MTMR9: variants seen among roughly 807,000 people sequenced by gnomAD.
The protein encoded by MTMR9 is myotubularin-related protein 9.
Under a neutral mutation model 69.5 loss-of-function variants are expected in MTMR9, and 39 were observed. The observed-to-expected ratio is 0.56, with a 90% CI of 0.43 to 0.73. MTMR9 has a LOEUF of 0.73. MTMR9 is among the 30% of genes least tolerant of loss of function. The probability of loss-of-function intolerance (pLI) is 0.00; values close to 1 mark genes in which losing one functional copy is unlikely to be tolerated. For synonymous variants in MTMR9, 354 were observed against 240.8 expected (o/e 1.47, Z -4.35); for missense variants, 900 against 671.2 (o/e 1.34, Z -3.77).
intron 1 of MTMR9, among the ~76,000 whole-genome samples, chr8:11,287,783 AT>A (rs1416436177): frequency 5.1e-5 from 6 of 117,054 alleles, no homozygotes; most frequent in African/African-American, 2.0e-4. Context: ...TATTTATTAT[AT>A]ATTATATATA....
At chr8:11,332,835 T>C (rs1801286757), downstream of MTMR9, among the ~76,000 whole-genome samples, 1 of 152,244 alleles carries the variant, frequency 6.6e-6, no homozygotes, top group South Asian at 2.1e-4. Flanking sequence ...CTCCTGACCT[T>C]GTGATCCACC....
chr8:11,323,448 A>C lies in MTMR9; in HGVS notation c.*660A>C, dbSNP rs1454320584. On this transcript the variant is annotated 3_prime_UTR_variant, in exon 10 of 10. Coordinates refer to ENST00000221086, the MANE Select transcript of MTMR9 (RefSeq NM_015458.4). ...CCGATATTTACATTAAGAAGAGTTA[A>C]ATTTATTTTAACGTAGACACTAAAA... 2.0e-5 allele frequency: 3 copies of C among 152,248 alleles called. No homozygotes were observed. Among genetic ancestry groups the C allele is most frequent in the African/African-American group, 7.2e-5 (3 of 41,464 alleles). The allele number at this position is 152,248 out of a possible 1,614,324, so 9.4% of individuals were successfully genotyped here. A position where few individuals can be genotyped will look rare whatever the true frequency, so the allele number is the denominator to read the frequency against.
chr8:11,295,167 C>A, intron 1 of MTMR9, 27 bp from the exon 2 acceptor site: 1 of 1,272,570 alleles, frequency 7.9e-7, no homozygotes, highest in South Asian at 1.2e-5. Context: ...ATATGTGTTC[C>A]TAAACATGAT....
At chr8:11,291,094 G>T (rs757921537) in intron 1 of MTMR9, among the ~76,000 whole-genome samples, 1 of 151,996 alleles carries the variant, frequency 6.6e-6, no homozygotes, top group South Asian at 2.1e-4. Flanking sequence ...ACAAAATTAG[G>T]ACATTGACAT....
intron 5 of MTMR9, among the ~76,000 whole-genome samples, chr8:11,308,937 T>C (rs1373717055): frequency 1.3e-5 from 2 of 152,220 alleles, no homozygotes; most frequent in African/African-American, 2.4e-5. Flanking sequence ...GATCAGCAGT[T>C]GCTACACTGA....
chr8:11,331,200 C>G (rs1197824195), downstream of MTMR9: 2 of 1,613,996 alleles, frequency 1.2e-6, no homozygotes, highest in Non-Finnish European at 1.7e-6. Flanking sequence ...CCAGCGCTGC[C>G]AGCCCTCTGG....
At chr8:11,331,951 TGTGCGC>T, downstream of MTMR9, 19 of 1,611,986 alleles carry the variant, frequency 1.2e-5, no homozygotes, top group Non-Finnish European at 1.5e-5. Context: ...CCTGCCCTGG[TGTGCGC>T]TGTCCTGCAT....
chr8:11,327,613 AAG>A lies in MTMR9; in HGVS notation c.*4827_*4828del, dbSNP rs759570452. 6.5e-6 allele frequency: 1 copy of A among 152,816 alleles called. No homozygotes were observed. The highest frequency in any genetic ancestry group is 2.4e-5 in the African/African-American group (1 of 41,594). 9.5% of individuals were successfully genotyped at this position (152,816 alleles called of 1,614,324 possible). On this transcript the variant is annotated 3_prime_UTR_variant, in exon 10 of 10. Transcript: ENST00000221086. ...TTGCAGAACTTAGTTTATAAAAACA[AAG>A]AATGTGTATTTCTTCAATAGCCGGG...
intron 1 of MTMR9, among the ~76,000 whole-genome samples, chr8:11,288,247 T>A (rs988462226): frequency 7.3e-6 from 1 of 136,540 alleles, no homozygotes; most frequent in Non-Finnish European, 1.5e-5. Flanking sequence ...TAATAATAAT[T>A]ATATTATAAT....
At chr8:11,316,601 G>A in intron 7 of MTMR9, 72 bp from the exon 8 acceptor site, 2 of 917,748 alleles carry the variant, frequency 2.2e-6, no homozygotes, top group South Asian at 3.7e-5. Flanking sequence ...ATTGTGTATA[G>A]TGGTGTCGGT....
chr8:11,332,922 C>T (rs994825769), downstream of MTMR9, among the ~76,000 whole-genome samples: 1 of 152,052 alleles, frequency 6.6e-6, no homozygotes, highest in African/African-American at 2.4e-5. Context: ...TTTGATCAGG[C>T]AGAAGAAAGG....
Position 11,285,013 on chromosome 8 carries a change from A to G in MTMR9, c.125A>G (p.Gln42Arg), listed in dbSNP as rs1470652799. 3.7e-6 allele frequency: 6 copies of G among 1,613,216 alleles called. No homozygotes were observed. Among genetic ancestry groups the G allele is most frequent in the Non-Finnish European group, 5.1e-6 (6 of 1,179,758 alleles). ...CACCACTTGATCCTGTCCTCCCGGC[A>G]GGACAATACGGAGGAGCTGTGGCTC... ...TGHHLILSSR[Q>R]DNTEELWLLH... Residue 42 changes from glutamine to arginine, a missense_variant, in exon 1 of 10, where the codon CAG (glutamine) becomes CGG (arginine). Physicochemically the swap from Gln to Arg is conservative, Grantham distance 43. Coordinates refer to ENST00000221086, the MANE Select transcript of MTMR9 (RefSeq NM_015458.4).
intron 5 of MTMR9, among the ~76,000 whole-genome samples, chr8:11,307,747 G>A (rs981103802): frequency 1.1e-4 from 17 of 152,058 alleles, no homozygotes; most frequent in Non-Finnish European, 2.5e-4. Flanking sequence ...ATTCTAACAG[G>A]GGTGAGGTGA....
the MTMR9 span, among the ~76,000 whole-genome samples, chr8:11,337,173 T>C: frequency 3.3e-5 from 5 of 152,218 alleles, no homozygotes; most frequent in African/African-American, 9.6e-5. Flanking sequence ...CACTGCATTC[T>C]AGACTTGTTG....
chr8:11,317,345 A>G (rs977270277), intron 8 of MTMR9: 6 of 152,446 alleles, frequency 3.9e-5, no homozygotes, highest in East Asian at 3.8e-4. Context: ...AGTTTTGTGG[A>G]TAACAACTTT....
At chr8:11,291,305 T>C (rs1008968663) in intron 1 of MTMR9, among the ~76,000 whole-genome samples, 3 of 152,110 alleles carry the variant, frequency 2.0e-5, no homozygotes, top group Admixed American at 2.0e-4. Flanking sequence ...GGTGCTGTAC[T>C]AGGAGCTGAG....
Position 11,316,767 on chromosome 8 carries a change from G to T in MTMR9, c.1208G>T (p.Cys403Phe). The T allele has an allele frequency of 6.2e-7, 1 of 1,613,868 alleles. No individual in the cohort carries two copies. Among genetic ancestry groups the T allele is most frequent in the Non-Finnish European group, 8.5e-7 (1 of 1,179,944 alleles). ...CCTGTATTTCTTCTCTTCTTGGACT[G>T]CGTGTGGCAGATCCTTCGTCAGTTT... ...EAPVFLLFLDCVWQILRQFPC... is the reference protein window; with the variant it reads ...EAPVFLLFLDFVWQILRQFPC... The change falls in exon 8 of 10, where the codon TGC (cysteine) becomes TTC (phenylalanine). Residue 403 changes from cysteine (C) to phenylalanine (F), a missense_variant. By Grantham distance (205) the Cys-to-Phe change is radical (BLOSUM62 -2). Transcript: ENST00000221086.
the MTMR9 span, among the ~76,000 whole-genome samples, chr8:11,333,978 A>G: frequency 1.3e-5 from 2 of 152,208 alleles, no homozygotes; most frequent in African/African-American, 4.8e-5. Flanking sequence ...GTTAGTTATC[A>G]TGGAAGTGGG....
At chr8:11,288,791 C>G (rs1434624511) in intron 1 of MTMR9, among the ~76,000 whole-genome samples, 6 of 152,180 alleles carry the variant, frequency 3.9e-5, no homozygotes, top group Admixed American at 2.6e-4. Context: ...TTTCAGAAGA[C>G]AATTCTGGCT....
Sources: gnomAD v4.1 joint callset for allele counts (sites outside exome capture counted in the v4.1 genomes callset) on GRCh38, gnomAD v4.1.1 for gene constraint, MANE v1.5 for transcripts, NCBI Gene and HGNC (gene_info 2026-07-23, HGNC 2026-07-21) for gene names.